Variants in RAB3GAP1 observed in about 807,000 individuals in gnomAD.
The protein encoded by RAB3GAP1 is RAB3 GTPase activating protein catalytic subunit 1.
In RAB3GAP1, 86 loss-of-function variants were observed where a neutral mutation model predicts 130.7. The ratio of observed to expected loss-of-function variants is 0.66; its 90% CI spans 0.55 to 0.79. The LOEUF (loss-of-function observed/expected upper bound fraction) is 0.79. Among genes scored for constraint, RAB3GAP1 ranks in the 30% least tolerant of loss-of-function variants. The probability of loss-of-function intolerance (pLI) is 0.00; values close to 1 mark genes in which losing one functional copy is unlikely to be tolerated. For synonymous variants in RAB3GAP1, 367 were observed against 401.7 expected (o/e 0.91, Z 1.03); for missense variants, 1,029 against 1,169.4 (o/e 0.88, Z 1.75).
intron 4 of RAB3GAP1, among the ~76,000 whole-genome samples, chr2:135,093,338 G>A (rs546536084): frequency 1.2e-4 from 19 of 152,196 alleles, no homozygotes; most frequent in African/African-American, 4.1e-4. Context: ...AAGCTTTCTG[G>A]TAAGTGTGAG....
rs113117077 is a variant in RAB3GAP1 at position 135,113,012 on chromosome 2, G to A, written c.363-139G>A. 1.1e-5 allele frequency: 12 copies of A among 1,140,448 alleles called. No individual in the cohort carries two copies. In the African/African-American group the frequency reaches 1.2e-4, roughly 12 times the overall value. The allele number at this position is 1,140,448 out of a possible 1,614,324, so 70.6% of individuals were successfully genotyped here. A position where few individuals can be genotyped will look rare whatever the true frequency, so the allele number is the denominator to read the frequency against. ...TTAAAGTTGAGGTCTTGTAGGTTCT[G>A]TTGCCATTAAAAGAAACACTTTTAG... is the stretch of plus-strand genomic sequence containing the variant. On this transcript the variant is annotated intron_variant, in intron 5 of 23. Transcript: ENST00000264158.
chr2:135,055,930 A>G (rs1447492579), intron 2 of RAB3GAP1, among the ~76,000 whole-genome samples: 3 of 150,620 alleles, frequency 2.0e-5, no homozygotes, highest in Non-Finnish European at 3.0e-5. Flanking sequence ...TCTGCCTCCC[A>G]GGTTTACGCC....
Position 135,133,804 on chromosome 2 carries a change from A to G in RAB3GAP1, c.1327-57A>G, listed in dbSNP as rs1573582692. 11 of 1,475,836 alleles carry G rather than the reference A, an allele frequency of 7.5e-6. No individual in the cohort carries two copies. In the East Asian group the frequency reaches 9.1e-5, roughly 12 times the overall value. 91.4% of individuals were successfully genotyped at this position (1,475,836 alleles called of 1,614,324 possible). On this transcript the variant is annotated intron_variant, in intron 14 of 23. Coordinates refer to ENST00000264158, the MANE Select transcript of RAB3GAP1 (RefSeq NM_012233.3). ...ATCTCTCCCTACGACCTTTTCAGTT[A>G]TATGTGTAAAATATTTTGGTAACAA...
At position 135,073,690 on chromosome 2, in the gene RAB3GAP1, C is replaced by G. The variant is rs192467326; in HGVS notation, c.150+15604C>G. ...TGTTTTTCTTTCTCTTTAGCCCTGT[C>G]CTCCTCATTCTACTCTCAGTTATAA... On this transcript the variant is annotated intron_variant, in intron 3 of 23. Transcript: ENST00000264158. Among the ~76,000 whole-genome samples the G allele has an allele frequency of 2.6e-4, 40 of 152,312 alleles. 1 individual carries two copies. In the East Asian group the frequency reaches 5.8e-3, roughly 22 times the overall value.
chr2:135,143,102 C>G (rs1390287943), intron 17 of RAB3GAP1, among the ~76,000 whole-genome samples: 1 of 151,888 alleles, frequency 6.6e-6, no homozygotes, highest in Non-Finnish European at 1.5e-5. Context: ...TATAGACTTA[C>G]TTTTAAATTA....
intron 17 of RAB3GAP1, among the ~76,000 whole-genome samples, chr2:135,143,816 TG>T (rs1360926336): frequency 1.3e-5 from 2 of 152,210 alleles, no homozygotes; most frequent in Non-Finnish European, 2.9e-5. Flanking sequence ...CCCAAAGTGC[TG>T]GGATTACAGG....
At chr2:135,140,752 C>T (rs1375991315) in intron 17 of RAB3GAP1, among the ~76,000 whole-genome samples, 1 of 152,202 alleles carries the variant, frequency 6.6e-6, no homozygotes, top group Non-Finnish European at 1.5e-5. Flanking sequence ...AAAATCTAGA[C>T]TCCCATAAAG....
intron 3 of RAB3GAP1, among the ~76,000 whole-genome samples, chr2:135,086,999 A>C (rs1226594144): frequency 6.6e-6 from 1 of 152,100 alleles, no homozygotes; most frequent in Non-Finnish European, 1.5e-5. Context: ...TTTGATAAGC[A>C]CAAATTTTAT....
chr2:135,102,002 T>G (rs2104892425), intron 5 of RAB3GAP1, among the ~76,000 whole-genome samples: 1 of 152,346 alleles, frequency 6.6e-6, no homozygotes, highest in South Asian at 2.1e-4. Context: ...TGAACCCTGC[T>G]AGCCCCCAGA....
intron 22 of RAB3GAP1, among the ~76,000 whole-genome samples, chr2:135,163,539 G>T (rs1312666725): frequency 6.6e-6 from 1 of 152,202 alleles, no homozygotes; most frequent in Non-Finnish European, 1.5e-5. Context: ...TAGCAAAGGT[G>T]CACATCCTAT....
In RAB3GAP1 at chr2:135,164,675, G is replaced by C; in HGVS notation, c.2688G>C (p.Lys896Asn). The change falls in exon 23 of 24, where the codon AAG becomes AAC. Residue 896 changes from lysine (K) to asparagine (N), a missense_variant. Physicochemically the swap from Lys to Asn is moderately conservative, Grantham distance 94. Transcript: ENST00000264158. ...GRGHAGRIIH[K>N]LFVNAQRAAA... ...GACATGCTGGCAGGATCATTCACAA[G>C]CTGTTTGTGAATGCCCAGAGGGTAT... 6.2e-7 allele frequency: 1 copy of C among 1,610,506 alleles called. No homozygotes were observed.
At chr2:135,094,009 C>T (rs1450309546) in intron 5 of RAB3GAP1, among the ~76,000 whole-genome samples, 1 of 152,090 alleles carries the variant, frequency 6.6e-6, no homozygotes, top group Non-Finnish European at 1.5e-5. Context: ...GGCTCAGCGC[C>T]CCAGGTTTTT....
chr2:135,087,311 C>A (rs1690016219), intron 3 of RAB3GAP1, among the ~76,000 whole-genome samples: 1 of 152,192 alleles, frequency 6.6e-6, no homozygotes, highest in South Asian at 2.1e-4. Context: ...ATTATTGTAG[C>A]AAAGTGTTAA....
chr2:135,069,957 A>G (rs958557259), intron 3 of RAB3GAP1, among the ~76,000 whole-genome samples: 3 of 152,258 alleles, frequency 2.0e-5, no homozygotes, highest in Non-Finnish European at 4.4e-5. Flanking sequence ...TTTAAAATGT[A>G]ACAGCAGTCT....
At chr2:135,088,341 T>C (rs1039578508) in intron 3 of RAB3GAP1, among the ~76,000 whole-genome samples, 1 of 152,124 alleles carries the variant, frequency 6.6e-6, no homozygotes, top group African/African-American at 2.4e-5. Flanking sequence ...AGTTGATGCC[T>C]TGATTTAACA....
chr2:135,140,326 G>A (rs1446931692), intron 17 of RAB3GAP1, among the ~76,000 whole-genome samples: 2 of 152,114 alleles, frequency 1.3e-5, no homozygotes, highest in African/African-American at 4.8e-5. Flanking sequence ...TAAATAGTCT[G>A]TCTAAGTGGT....
chr2:135,168,799 G>A lies in RAB3GAP1; in HGVS notation c.*18G>A, dbSNP rs202083403. ...TCTTCTGATTCTTCTAGCATTACTCGTTGGTGGCTTCAGAGACAGTGCTGC... is the reference window on the plus strand; with the variant it reads ...TCTTCTGATTCTTCTAGCATTACTCATTGGTGGCTTCAGAGACAGTGCTGC... On this transcript the variant is annotated 3_prime_UTR_variant, in exon 24 of 24. Transcript: ENST00000264158. The A allele has an allele frequency of 1.2e-5, 20 of 1,602,470 alleles. No individual in the cohort carries two copies. Among genetic ancestry groups the A allele is most frequent in the South Asian group, 5.5e-5 (5 of 90,838 alleles).
downstream of RAB3GAP1, among the ~76,000 whole-genome samples, chr2:135,171,000 C>T (rs1383676491): frequency 6.6e-6 from 1 of 152,094 alleles, no homozygotes; most frequent in African/African-American, 2.4e-5. Context: ...GGCTTGCCCT[C>T]CCTTCTTGCC....
intron 3 of RAB3GAP1, among the ~76,000 whole-genome samples, chr2:135,086,903 T>C (rs562946141): frequency 6.6e-6 from 1 of 152,154 alleles, no homozygotes; most frequent in South Asian, 2.1e-4. Flanking sequence ...CTTCAAGTGA[T>C]CCTCCCTGAT....
Sources: allele counts gnomAD v4.1 joint callset (sites outside exome capture counted in the v4.1 genomes callset), GRCh38; gene constraint gnomAD v4.1.1; transcripts MANE v1.5; gene names NCBI Gene and HGNC (gene_info 2026-07-23, HGNC 2026-07-21).